The following TMOD1 variants were observed in gnomAD, a reference collection of about 807,000 sequenced individuals.
TMOD1 encodes tropomodulin 1.
A neutral mutation model predicts 40.6 loss-of-function variants in TMOD1; 17 were observed. The ratio of observed to expected loss-of-function variants is 0.42; its 90% CI spans 0.29 to 0.63. TMOD1 has a LOEUF of 0.63. Ranked by LOEUF, TMOD1 falls within the 20% of genes least tolerant of loss-of-function variation. The pLI is 0.22. For synonymous variants in TMOD1, 181 were observed against 175.0 expected (o/e 1.03, Z -0.27); for missense variants, 391 against 447.6 (o/e 0.87, Z 1.14).
At chr9:97,589,845 C>T (rs1447506142) in intron 8 of TMOD1, among the ~76,000 whole-genome samples, 1 of 151,956 alleles carries the variant, frequency 6.6e-6, no homozygotes, top group Non-Finnish European at 1.5e-5. Flanking sequence ...TCTTTTACCT[C>T]CTGTTTAAGA....
Position 97,601,502 on chromosome 9 carries a change from A to AGAAAC in TMOD1, c.*1810_*1814dup. On this transcript the variant is annotated 3_prime_UTR_variant, in exon 10 of 10. Coordinates refer to ENST00000259365, the MANE Select transcript of TMOD1 (RefSeq NM_003275.4). ...AGAGCTATCAGAGGAAATCTCTCATAGAAACGAAACCAAACCAACAGAAAA... is the reference window on the plus strand; with the variant it reads ...AGAGCTATCAGAGGAAATCTCTCATAGAAACGAAACGAAACCAAACCAACAGAAAA... 1 of 989,750 alleles carries AGAAAC rather than the reference A, an allele frequency of 1.0e-6. No individual in the cohort carries two copies. Among genetic ancestry groups the AGAAAC allele is most frequent in the Non-Finnish European group, 1.2e-6 (1 of 832,528 alleles). The allele number at this position is 989,750 out of a possible 1,614,324, so 61.3% of individuals were successfully genotyped here.
At chr9:97,530,848 C>T (rs982161108) in intron 2 of TMOD1, among the ~76,000 whole-genome samples, 1 of 134,508 alleles carries the variant, frequency 7.4e-6, no homozygotes, top group Non-Finnish European at 1.5e-5. Context: ...AGTGCAACGG[C>T]GTGATCTCGG....
intron 3 of TMOD1, among the ~76,000 whole-genome samples, chr9:97,547,001 G>A (rs1424654567): frequency 6.6e-6 from 1 of 150,416 alleles, no homozygotes; most frequent in Non-Finnish European, 1.5e-5. Context: ...GCAAACCAGG[G>A]ACTAGAGATG....
chr9:97,523,611 A>G (rs142951760), intron 1 of TMOD1, among the ~76,000 whole-genome samples: 2 of 152,352 alleles, frequency 1.3e-5, no homozygotes, highest in African/African-American at 4.8e-5. Flanking sequence ...AGTACTGAAC[A>G]CACAGCTTGA....
At chr9:97,578,097 C>T (rs1459500047) in intron 8 of TMOD1, among the ~76,000 whole-genome samples, 2 of 152,114 alleles carry the variant, frequency 1.3e-5, no homozygotes, top group African/African-American at 4.8e-5. Context: ...CACTCTGTCA[C>T]CAGGCTGGAG....
chr9:97,538,695 G>A (rs915622672), intron 2 of TMOD1, among the ~76,000 whole-genome samples: 59 of 152,196 alleles, frequency 3.9e-4, no homozygotes, highest in African/African-American at 1.4e-3. Flanking sequence ...ATAACTATGT[G>A]TAATTAAGAT....
chr9:97,581,614 G>A (rs2131282633), intron 8 of TMOD1, among the ~76,000 whole-genome samples: 1 of 150,842 alleles, frequency 6.6e-6, no homozygotes, highest in South Asian at 2.1e-4. Flanking sequence ...CCCACCAACA[G>A]TGTAAAAGTG....
At chr9:97,544,583 T>C (rs564128883) in intron 2 of TMOD1, among the ~76,000 whole-genome samples, 1 of 152,062 alleles carries the variant, frequency 6.6e-6, no homozygotes, top group Admixed American at 6.6e-5. Context: ...AACAGTAGTA[T>C]TCCCTCCCAA....
At chr9:97,594,363 T>G in intron 9 of TMOD1, among the ~76,000 whole-genome samples, 1 of 152,246 alleles carries the variant, frequency 6.6e-6, no homozygotes, top group Non-Finnish European at 1.5e-5. Context: ...TACAACAGAT[T>G]ATTTGCATCC....
At chr9:97,536,321 T>TTGGCCTGGCC (rs777643292) in intron 2 of TMOD1, among the ~76,000 whole-genome samples, 44 of 152,232 alleles carry the variant, frequency 2.9e-4, no homozygotes, top group Non-Finnish European at 5.3e-4. Flanking sequence ...TGTGATAGGT[T>TTGGCCTGGCC]TGGCCTGGCC....
intron 2 of TMOD1, among the ~76,000 whole-genome samples, chr9:97,544,749 G>A (rs1056695548): frequency 6.6e-6 from 1 of 151,840 alleles, no homozygotes; most frequent in Admixed American, 6.6e-5. Flanking sequence ...GGCTGGGAAC[G>A]GTAATCCCAG....
At chr9:97,549,492 A>C (rs952147743) in intron 3 of TMOD1, among the ~76,000 whole-genome samples, 43 of 152,164 alleles carry the variant, frequency 2.8e-4, no homozygotes, top group African/African-American at 9.7e-4. Context: ...CCATTGCATT[A>C]GTCATTTTAA....
chr9:97,550,426 T>G (rs1830432109), intron 3 of TMOD1, among the ~76,000 whole-genome samples: 1 of 152,246 alleles, frequency 6.6e-6, no homozygotes, highest in African/African-American at 2.4e-5. Flanking sequence ...AATTCTATGT[T>G]TAATTTTTTG....
upstream of TMOD1, chr9:97,501,490 C>T (rs962793774): frequency 2.0e-5 from 3 of 151,820 alleles, no homozygotes; most frequent in African/African-American, 7.3e-5. Context: ...CCTGCGCTCC[C>T]GGCCCAGGGC....
intron 8 of TMOD1, among the ~76,000 whole-genome samples, chr9:97,587,487 T>C (rs1825905248): frequency 6.6e-6 from 1 of 152,252 alleles, no homozygotes; most frequent in East Asian, 1.9e-4. Flanking sequence ...GTTGAACATC[T>C]TGTCATGTGA....
At chr9:97,585,433 T>C (rs936611889) in intron 8 of TMOD1, among the ~76,000 whole-genome samples, 1 of 151,304 alleles carries the variant, frequency 6.6e-6, no homozygotes, top group African/African-American at 2.4e-5. Context: ...TGGCTGCCCT[T>C]AACATTTTTT....
chr9:97,541,708 G>T (rs1235660242), intron 2 of TMOD1, among the ~76,000 whole-genome samples: 2 of 151,906 alleles, frequency 1.3e-5, no homozygotes, highest in Non-Finnish European at 2.9e-5. Flanking sequence ...TGGAGACAGG[G>T]TTTCACCATG....
intron 5 of TMOD1, 118 bp from the exon 6 acceptor site, chr9:97,563,920 G>A (rs1830679966): frequency 1.6e-6 from 2 of 1,263,220 alleles, no homozygotes; most frequent in South Asian, 3.1e-5. Flanking sequence ...CAGCCCCTGT[G>A]ATGTGCAGCC....
At chr9:97,584,685 C>A (rs1825830645) in intron 8 of TMOD1, among the ~76,000 whole-genome samples, 1 of 152,032 alleles carries the variant, frequency 6.6e-6, no homozygotes, top group Non-Finnish European at 1.5e-5. Context: ...CTGGGTGCTC[C>A]TGTATTGGGT....
Sources: gnomAD v4.1 joint callset for allele counts (sites outside exome capture counted in the v4.1 genomes callset) on GRCh38, gnomAD v4.1.1 for gene constraint, MANE v1.5 for transcripts, NCBI Gene and HGNC (gene_info 2026-07-23, HGNC 2026-07-21) for gene names.